Variants in TRAPPC9 observed in about 807,000 individuals in gnomAD.
TRAPPC9 encodes IKK2 binding protein.
Under a neutral mutation model 124.0 loss-of-function variants are expected in TRAPPC9, and 83 were observed. The ratio of observed to expected loss-of-function variants is 0.67; its 90% CI spans 0.56 to 0.80. The LOEUF (loss-of-function observed/expected upper bound fraction) is 0.80. Ranked by LOEUF, TRAPPC9 falls within the 30% of genes least tolerant of loss-of-function variation. The pLI is 0.00. For synonymous variants in TRAPPC9, 638 were observed against 617.5 expected (o/e 1.03, Z -0.49); for missense variants, 1,302 against 1,508.3 (o/e 0.86, Z 2.27).
At chr8:139,986,910 A>G (rs1837270676) in intron 19 of TRAPPC9, among the ~76,000 whole-genome samples, 1 of 152,148 alleles carries the variant, frequency 6.6e-6, no homozygotes, top group Non-Finnish European at 1.5e-5. Context: ...GAGTTTTTCC[A>G]TCGTAAATTG....
At chr8:140,287,176 T>C (rs1203967793) in intron 13 of TRAPPC9, among the ~76,000 whole-genome samples, 1 of 152,068 alleles carries the variant, frequency 6.6e-6, no homozygotes, top group African/African-American at 2.4e-5. Flanking sequence ...AAGTAGGCCC[T>C]GTATTTAGCC....
chr8:140,052,970 G>A (rs1224605305), intron 17 of TRAPPC9, among the ~76,000 whole-genome samples: 3 of 152,042 alleles, frequency 2.0e-5, no homozygotes, highest in African/African-American at 7.2e-5. Context: ...AATGATAGGA[G>A]TGGATTCAAA....
Position 140,259,982 on chromosome 8 carries a change from G to A in TRAPPC9, c.2279-7053C>T, listed in dbSNP as rs189985066. Reference sequence around the variant, plus strand: ...CCAACTACATGAAAACACTGACATCGAAAAAGAAAACGAAGACCTGCCTAT... The same window carrying A: ...CCAACTACATGAAAACACTGACATCAAAAAAGAAAACGAAGACCTGCCTAT... On this transcript the variant is annotated intron_variant, in intron 15 of 22. Transcript: ENST00000438773. Among the ~76,000 whole-genome samples the A allele has an allele frequency of 2.2e-3, 341 of 152,278 alleles. 1 individual carries two copies. The highest frequency in any genetic ancestry group is 7.0e-3 in the African/African-American group (291 of 41,554).
chr8:139,846,151 T>G (rs904049498), intron 21 of TRAPPC9, among the ~76,000 whole-genome samples: 1 of 152,222 alleles, frequency 6.6e-6, no homozygotes, highest in Non-Finnish European at 1.5e-5. Flanking sequence ...AGAGGAGGCA[T>G]GGTCAGACAG....
chr8:139,743,170 G>C (rs112735695), intron 21 of TRAPPC9, among the ~76,000 whole-genome samples: 1 of 152,178 alleles, frequency 6.6e-6, no homozygotes, highest in Non-Finnish European at 1.5e-5. Context: ...ATGATCTGTG[G>C]ATTTCTTGTC....
intron 21 of TRAPPC9, among the ~76,000 whole-genome samples, chr8:139,855,002 A>G (rs542897923): frequency 1.3e-5 from 2 of 152,098 alleles, no homozygotes; most frequent in Non-Finnish European, 2.9e-5. Context: ...AATCGTCTTC[A>G]TTCAAAGCTG....
intron 20 of TRAPPC9, among the ~76,000 whole-genome samples, chr8:139,888,087 C>T (rs770892908): frequency 1.3e-4 from 20 of 152,214 alleles, no homozygotes; most frequent in Non-Finnish European, 2.1e-4. Context: ...TCCGCACATG[C>T]TGCTTGCTTC....
intron 21 of TRAPPC9, among the ~76,000 whole-genome samples, chr8:139,835,955 A>G (rs1826313627): frequency 6.6e-6 from 1 of 152,124 alleles, no homozygotes; most frequent in Non-Finnish European, 1.5e-5. Context: ...ATCTATCATA[A>G]ATGCTATTTT....
chr8:139,869,820 G>T (rs1416310207), intron 21 of TRAPPC9, among the ~76,000 whole-genome samples: 1 of 151,642 alleles, frequency 6.6e-6, no homozygotes, highest in African/African-American at 2.4e-5. Context: ...TTAACTCTCG[G>T]GACAGAAGTG....
rs192262410 is a variant in TRAPPC9 at position 139,959,749 on chromosome 8, C to T, written c.2810+28977G>A. On this transcript the variant is annotated intron_variant, in intron 19 of 22. Transcript: ENST00000438773. The stretch of plus-strand genomic sequence containing the variant: ...AGGCCAACAAGCCAGAAGAGAAGGG[C>T]GAAGGGAGCCACCCAGTACCTGGCC... Among the ~76,000 whole-genome samples the T allele has an allele frequency of 4.9e-4, 75 of 152,296 alleles. 1 individual carries two copies. Among genetic ancestry groups the T allele is most frequent in the Admixed American group, 3.3e-3 (51 of 15,290 alleles).
chr8:139,929,005 A>G (rs1832966017), intron 19 of TRAPPC9, among the ~76,000 whole-genome samples: 1 of 152,010 alleles, frequency 6.6e-6, no homozygotes, highest in African/African-American at 2.4e-5. Context: ...TGGGCGCGGG[A>G]GGGTGCCCAA....
chr8:140,355,114 A>AT (rs1253618549), intron 9 of TRAPPC9, among the ~76,000 whole-genome samples: 1 of 152,110 alleles, frequency 6.6e-6, no homozygotes, highest in Non-Finnish European at 1.5e-5. Flanking sequence ...GGATAAACAA[A>AT]TTTTCCTGTC....
intron 17 of TRAPPC9, chr8:140,098,466 C>G (rs1316930421): frequency 6.6e-6 from 1 of 151,750 alleles, no homozygotes; most frequent in African/African-American, 2.4e-5. Flanking sequence ...GCTAAAAACG[C>G]CCCCCAGGGT....
At chr8:140,011,596 C>T (rs56100415) in intron 18 of TRAPPC9, among the ~76,000 whole-genome samples, 20,926 of 141,862 alleles carry the variant, frequency 0.15, 1,650 homozygotes, top group African/African-American at 0.19. Context: ...CTCTGCCTCC[C>T]GGGTTCAAGT....
chr8:139,892,405 A>G (rs922188396), intron 20 of TRAPPC9, among the ~76,000 whole-genome samples: 2 of 152,216 alleles, frequency 1.3e-5, no homozygotes, highest in Non-Finnish European at 2.9e-5. Context: ...AACTGATGAC[A>G]GTCTAGCTCT....
chr8:139,846,443 G>A (rs902160359), intron 21 of TRAPPC9, among the ~76,000 whole-genome samples: 2 of 152,226 alleles, frequency 1.3e-5, no homozygotes, highest in Admixed American at 6.5e-5. Context: ...TCATCTCTCC[G>A]AACTGACTGC....
intron 15 of TRAPPC9, among the ~76,000 whole-genome samples, chr8:140,267,163 A>G (rs1163935687): frequency 6.6e-6 from 1 of 152,188 alleles, no homozygotes; most frequent in East Asian, 1.9e-4. Context: ...GAGGGAGTGA[A>G]GATGTGTGCA....
At chr8:139,759,348 A>G (rs1414908521) in intron 21 of TRAPPC9, among the ~76,000 whole-genome samples, 6 of 152,042 alleles carry the variant, frequency 3.9e-5, no homozygotes, top group Non-Finnish European at 8.8e-5. Flanking sequence ...CTTTACATAC[A>G]TGGTCCCCTG....
At chr8:140,258,049 G>C (rs2131537600) in intron 15 of TRAPPC9, among the ~76,000 whole-genome samples, 1 of 152,376 alleles carries the variant, frequency 6.6e-6, no homozygotes, top group East Asian at 1.9e-4. Flanking sequence ...CGCTCTCCCA[G>C]GGCTCATGGT....
Sources: allele counts gnomAD v4.1 joint callset (sites outside exome capture counted in the v4.1 genomes callset), GRCh38; gene constraint gnomAD v4.1.1; transcripts MANE v1.5; gene names NCBI Gene and HGNC (gene_info 2026-07-23, HGNC 2026-07-21).